ZDHHC21: variants seen among roughly 807,000 people sequenced by gnomAD.
ZDHHC21 encodes palmitoyltransferase ZDHHC21.
Under a neutral mutation model 34.6 loss-of-function variants are expected in ZDHHC21, and 15 were observed. The ratio of observed to expected loss-of-function variants is 0.43; its 90% CI spans 0.29 to 0.67. ZDHHC21 has a LOEUF of 0.67. Ranked by LOEUF, ZDHHC21 falls within the 30% of genes least tolerant of loss-of-function variation. The pLI is 0.14. For missense variants in ZDHHC21, 344 were observed against 327.7 expected (o/e 1.05, Z -0.38); for synonymous variants, 142 against 101.8 (o/e 1.40, Z -2.38).
At position 14,655,326 on chromosome 9, in the gene ZDHHC21, T is replaced by C. The variant is rs538321661; in HGVS notation, c.504+3423A>G. ...AGGGAACCAACACTGAGAGAATTTG[T>C]TCCAAGAGACTTGCACTAAAAGCAG... On this transcript the variant is annotated intron_variant, in intron 7 of 9. Transcript: ENST00000380916. Among the ~76,000 whole-genome samples the C allele has an allele frequency of 3.3e-5, 5 of 152,106 alleles. No individual in the cohort carries two copies. The East Asian group carries it at 9.6e-4, about 29-fold the overall frequency.
At chr9:14,627,511 T>C (rs937854358) in intron 8 of ZDHHC21, among the ~76,000 whole-genome samples, 3 of 152,292 alleles carry the variant, frequency 2.0e-5, no homozygotes, top group South Asian at 4.1e-4. Context: ...TTTAGTCTTT[T>C]ACAAAATTGC....
chr9:14,661,086 T>G (rs1283535156), intron 6 of ZDHHC21, among the ~76,000 whole-genome samples: 2 of 152,232 alleles, frequency 1.3e-5, no homozygotes, highest in African/African-American at 4.8e-5. Context: ...CAGTTTTGAA[T>G]ATCAACTATA....
chr9:14,633,240 T>G lies in ZDHHC21; in HGVS notation c.621+6656A>C, dbSNP rs534951473. The stretch of plus-strand genomic sequence containing the variant: ...CACTGGAAATCAACAGAGAAGTGAA[T>G]GGAAACACCATCCTAAAGCAAGGAC... On this transcript the variant is annotated intron_variant, in intron 8 of 9. Transcript: ENST00000380916. 1.1e-3 allele frequency among the ~76,000 whole-genome samples: 167 copies of G among 152,144 alleles called. 1 individual carries two copies. The highest frequency in any genetic ancestry group is 3.6e-3 in the African/African-American group (150 of 41,498).
intron 7 of ZDHHC21, 140 bp from the exon 8 acceptor site, chr9:14,640,152 T>C (rs1587023702): frequency 2.1e-6 from 1 of 484,826 alleles, no homozygotes; most frequent in Non-Finnish European, 3.7e-6. Flanking sequence ...TATACTTCTA[T>C]TGAAATCAAT....
Position 14,693,321 on chromosome 9 carries a change from G to C in ZDHHC21, c.-317C>G, listed in dbSNP as rs1312148009. The stretch of plus-strand genomic sequence containing the variant: ...TGCCGCGCCACCTCCGCCTCCTCCG[G>C]CGCCGCCGCCCAGGCCGGGCCGCTC... On this transcript the variant is annotated 5_prime_UTR_variant, in exon 1 of 10. Transcript: ENST00000380916. The C allele has an allele frequency of 4.8e-6, 2 of 416,326 alleles. No homozygotes were observed. The highest frequency in any genetic ancestry group is 4.4e-5 in the African/African-American group (2 of 45,746). 25.8% of individuals were successfully genotyped at this position (416,326 alleles called of 1,614,324 possible).
chr9:14,631,345 CA>C (rs1378161497), intron 8 of ZDHHC21, among the ~76,000 whole-genome samples: 1 of 152,216 alleles, frequency 6.6e-6, no homozygotes, highest in Non-Finnish European at 1.5e-5. Context: ...TCACCTCTTA[CA>C]GCCTTCATAA....
chr9:14,684,040 A>T (rs534441932), intron 2 of ZDHHC21, among the ~76,000 whole-genome samples: 224 of 152,298 alleles, frequency 1.5e-3, no homozygotes, highest in African/African-American at 5.3e-3. Context: ...TAGGTATTGA[A>T]GGGACGTACC....
At chr9:14,665,317 G>C (rs1465243206) in intron 5 of ZDHHC21, among the ~76,000 whole-genome samples, 2 of 137,852 alleles carry the variant, frequency 1.5e-5, no homozygotes, top group Non-Finnish European at 3.1e-5. Context: ...AAAAAGAAAT[G>C]AGCAAAGCCT....
chr9:14,625,554 G>GT (rs1361686560), intron 8 of ZDHHC21, among the ~76,000 whole-genome samples: 1 of 151,852 alleles, frequency 6.6e-6, no homozygotes, highest in Non-Finnish European at 1.5e-5. Flanking sequence ...TACCTCATAG[G>GT]TTTTTGTGGG....
chr9:14,660,006 C>T (rs892553845), intron 6 of ZDHHC21, among the ~76,000 whole-genome samples: 1 of 152,174 alleles, frequency 6.6e-6, no homozygotes, highest in Non-Finnish European at 1.5e-5. Flanking sequence ...TTAACCAGAA[C>T]AGCTTTAAGA....
the ZDHHC21 span, chr9:14,593,501 C>A: frequency 1.3e-5 from 2 of 152,256 alleles, no homozygotes; most frequent in African/African-American, 2.4e-5. Flanking sequence ...CCAGATGTCA[C>A]ACCCTACTCG....
At chr9:14,658,592 C>G (rs1021633270) in intron 7 of ZDHHC21, among the ~76,000 whole-genome samples, 157 bp downstream of exon 7, 2 of 148,386 alleles carry the variant, frequency 1.3e-5, no homozygotes, top group Non-Finnish European at 3.0e-5. Context: ...CTGCCTCAGC[C>G]TCCCGAGTAG....
chr9:14,688,520 C>G (rs988486599), intron 2 of ZDHHC21, among the ~76,000 whole-genome samples: 9 of 150,518 alleles, frequency 6.0e-5, no homozygotes, highest in African/African-American at 2.5e-5. Context: ...CTAAGGAGAT[C>G]CACAGCAGCC....
intron 7 of ZDHHC21, among the ~76,000 whole-genome samples, chr9:14,643,931 C>T (rs1829835444): frequency 6.6e-6 from 1 of 152,244 alleles, no homozygotes; most frequent in East Asian, 1.9e-4. Flanking sequence ...ACCTGGTAGG[C>T]CATGTCATCC....
intron 5 of ZDHHC21, among the ~76,000 whole-genome samples, chr9:14,669,996 A>C (rs1278216522): frequency 1.3e-5 from 2 of 151,826 alleles, no homozygotes; most frequent in African/African-American, 4.8e-5. Flanking sequence ...CTAAAACTTA[A>C]AGTATAATAA....
Position 14,674,241 on chromosome 9 carries a change from T to C in ZDHHC21, c.100A>G (p.Ile34Val). ...WLYNIVLIPK[I>V]VLFPHYEEGH... The stretch of plus-strand genomic sequence containing the variant: ...TCTTCATAGTGAGGAAAGAGGACAA[T>C]TTTGGGAATTAAAACAATATTGTAT... Residue 34 changes from isoleucine to valine, a missense_variant, in exon 4 of 10, where the codon ATT becomes GTT. Ile to Val is a conservative substitution (Grantham distance 29). Coordinates refer to ENST00000380916, the MANE Select transcript of ZDHHC21 (RefSeq NM_178566.6). 2.5e-6 allele frequency: 4 copies of C among 1,590,636 alleles called. No individual in the cohort carries two copies. Among genetic ancestry groups the C allele is most frequent in the Non-Finnish European group, 2.6e-6 (3 of 1,170,982 alleles).
chr9:14,643,857 GTTTGTTTATCCCTGC>G (rs1393012151), intron 7 of ZDHHC21, among the ~76,000 whole-genome samples: 2 of 152,046 alleles, frequency 1.3e-5, no homozygotes, highest in African/African-American at 4.8e-5. Context: ...TGTTCCCTTG[GTTTGTTTATCCCTGC>G]AACGGTGACA....
At position 14,693,402 on chromosome 9, in the gene ZDHHC21, T is replaced by TGCCCGCGC. The variant is rs1479286926; in HGVS notation, c.-406_-399dup. The TGCCCGCGC allele has an allele frequency of 3.3e-6, 1 of 299,958 alleles. No homozygotes were observed. The highest frequency in any genetic ancestry group is 6.4e-6 in the Non-Finnish European group (1 of 155,066). The allele number at this position is 299,958 out of a possible 1,614,324, so 18.6% of individuals were successfully genotyped here. ...TGGACCGGCCGAGTGGGTGTCCGCA[T>TGCCCGCGC]GCCCGCGCGCCCGCGTGGGGAGGGA... On this transcript the variant is annotated 5_prime_UTR_variant, in exon 1 of 10. Coordinates refer to ENST00000380916, the MANE Select transcript of ZDHHC21 (RefSeq NM_178566.6).
downstream of ZDHHC21, among the ~76,000 whole-genome samples, chr9:14,608,552 C>A (rs538188599): frequency 7.7e-4 from 117 of 152,036 alleles, no homozygotes; most frequent in African/African-American, 2.6e-3. Flanking sequence ...AACAGAGGTG[C>A]TTTCTTGTTT....
Sources: gnomAD v4.1 joint callset for allele counts (sites outside exome capture counted in the v4.1 genomes callset) on GRCh38, gnomAD v4.1.1 for gene constraint, MANE v1.5 for transcripts, NCBI Gene and HGNC (gene_info 2026-07-23, HGNC 2026-07-21) for gene names.